The following PARD3B variants were observed in gnomAD, a reference collection of about 807,000 sequenced individuals.
PARD3B encodes partitioning defective 3 homolog B.
A neutral mutation model predicts 130.2 loss-of-function variants in PARD3B; 103 were observed. That is an observed-to-expected ratio of 0.79 (90% CI 0.67 to 0.93). The LOEUF is 0.93. Ranked by LOEUF, PARD3B falls within the 40% of genes least tolerant of loss-of-function variation. The pLI is 0.00. For synonymous variants in PARD3B, 583 were observed against 553.2 expected (o/e 1.05, Z -0.76); for missense variants, 1,609 against 1,499.2 (o/e 1.07, Z -1.21).
rs575706085 is a variant in PARD3B at position 205,013,488 on chromosome 2, T to A, written c.395-34093T>A. 2.2e-4 allele frequency among the ~76,000 whole-genome samples: 33 copies of A among 152,320 alleles called. 1 individual carries two copies. In the East Asian group the frequency reaches 3.1e-3, roughly 14 times the overall value. On this transcript the variant is annotated intron_variant, in intron 3 of 22. Coordinates refer to ENST00000406610, the MANE Select transcript of PARD3B (RefSeq NM_001302769.2). ...GTAGTGTCTGTCGGGGTTCCCAACCTCTACACTATTGATGCTTTAGGCTGG... is the reference window on the plus strand; with the variant it reads ...GTAGTGTCTGTCGGGGTTCCCAACCACTACACTATTGATGCTTTAGGCTGG...
At chr2:204,821,265 A>C (rs2125545085) in intron 2 of PARD3B, among the ~76,000 whole-genome samples, 1 of 152,240 alleles carries the variant, frequency 6.6e-6, no homozygotes, top group East Asian at 1.9e-4. Flanking sequence ...AATAAGTCCC[A>C]GGAGATCTGA....
At position 205,253,300 on chromosome 2, in the gene PARD3B, G is replaced by A. The variant is rs929905556; in HGVS notation, c.2185+7478G>A. On this transcript the variant is annotated intron_variant, in intron 16 of 22. Coordinates refer to ENST00000406610, the MANE Select transcript of PARD3B (RefSeq NM_001302769.2). This position sits in a 1 kb window ranked among gnomAD's most constrained non-coding sequence, Gnocchi z 4.4. ...AAGAGTAAAATGTATTAACACAAAG[G>A]CTCTGGCCGCCCCCCTACAAAGGAG... 3 of 500,678 alleles carry A rather than the reference G, an allele frequency of 6.0e-6. No homozygotes were observed. Among genetic ancestry groups the A allele is most frequent in the African/African-American group, 5.8e-5 (3 of 51,484 alleles). 31.0% of individuals were successfully genotyped at this position (500,678 alleles called of 1,614,324 possible).
chr2:205,034,237 G>A (rs1697639644), intron 3 of PARD3B, among the ~76,000 whole-genome samples: 1 of 152,156 alleles, frequency 6.6e-6, no homozygotes, highest in African/African-American at 2.4e-5. Flanking sequence ...TCTGTTGAGT[G>A]CCTATTCTGC....
rs921567848 is a variant in PARD3B at position 204,552,301 on chromosome 2, C to A, written c.120+6182C>A. On this transcript the variant is annotated intron_variant, in intron 1 of 22. Transcript: ENST00000406610. Reference sequence around the variant, plus strand: ...TAAATGCTCCACCTAGACACTAGCACAAAAACTAGCTGGGTTTGAGAGTAA... The same window carrying A: ...TAAATGCTCCACCTAGACACTAGCAAAAAAACTAGCTGGGTTTGAGAGTAA... Among the ~76,000 whole-genome samples, 4 of 152,126 alleles carry A rather than the reference C, an allele frequency of 2.6e-5. No homozygotes were observed. The East Asian group carries it at 5.8e-4, about 22-fold the overall frequency.
intron 21 of PARD3B, among the ~76,000 whole-genome samples, chr2:205,521,165 A>G (rs1369980806): frequency 6.6e-6 from 1 of 151,920 alleles, no homozygotes; most frequent in Non-Finnish European, 1.5e-5. Context: ...GAGCAACCCT[A>G]TTAAAATTGA....
chr2:205,125,289 C>T lies in PARD3B; in HGVS notation c.1306-320C>T, dbSNP rs981033311. On this transcript the variant is annotated intron_variant, in intron 9 of 22. Transcript: ENST00000406610. This position sits in a 1 kb window ranked among gnomAD's most constrained non-coding sequence, Gnocchi z 4.0. The stretch of plus-strand genomic sequence containing the variant: ...GCTTGTTGAATTAGGCAGAAAATGG[C>T]GCTAAGTAAGCCTTTGCAATCTGCT... Among the ~76,000 whole-genome samples the T allele has an allele frequency of 1.3e-4, 20 of 152,166 alleles. No homozygotes were observed. Among genetic ancestry groups the T allele is most frequent in the African/African-American group, 4.6e-4 (19 of 41,420 alleles).
chr2:204,732,088 T>C (rs902844697), intron 2 of PARD3B, among the ~76,000 whole-genome samples: 2 of 152,164 alleles, frequency 1.3e-5, no homozygotes, highest in African/African-American at 2.4e-5. Flanking sequence ...TTGTGGTTTT[T>C]TTTTTTTTGT....
intron 2 of PARD3B, among the ~76,000 whole-genome samples, chr2:204,911,415 C>G (rs1245110506): frequency 6.6e-6 from 1 of 152,174 alleles, no homozygotes; most frequent in African/African-American, 2.4e-5. Context: ...ATAGAAAACA[C>G]TAGTTGCTGG....
intron 20 of PARD3B, among the ~76,000 whole-genome samples, chr2:205,496,973 G>C (rs1167451057): frequency 6.6e-6 from 1 of 151,982 alleles, no homozygotes; most frequent in Non-Finnish European, 1.5e-5. Context: ...GTAATCGACA[G>C]AAGCCTGTGC....
At chr2:205,103,956 G>T (rs543604518) in intron 4 of PARD3B, among the ~76,000 whole-genome samples, 1 of 152,292 alleles carries the variant, frequency 6.6e-6, no homozygotes, top group East Asian at 1.9e-4. Flanking sequence ...TCTTCCTGCA[G>T]TGTTTCTGCC....
At chr2:205,228,682 G>A (rs190167355) in intron 15 of PARD3B, among the ~76,000 whole-genome samples, 3 of 152,032 alleles carry the variant, frequency 2.0e-5, no homozygotes, top group East Asian at 1.9e-4. Flanking sequence ...TTACCCTTTG[G>A]GTAAATCCCT....
chr2:204,873,240 T>C lies in PARD3B; in HGVS notation c.223-91912T>C, dbSNP rs187036551. On this transcript the variant is annotated intron_variant, in intron 2 of 22. Transcript: ENST00000406610. The stretch of plus-strand genomic sequence containing the variant: ...CTGCTTTTTCTTGCTTTACACACAA[T>C]TTGACTAGGCTTCATTCTCAGTCTT... Among the ~76,000 whole-genome samples the C allele has an allele frequency of 7.2e-5, 11 of 152,276 alleles. No individual in the cohort carries two copies. In the East Asian group the frequency reaches 2.1e-3, roughly 29 times the overall value.
chr2:205,088,221 G>A (rs1309651053), intron 4 of PARD3B, among the ~76,000 whole-genome samples: 5 of 152,096 alleles, frequency 3.3e-5, no homozygotes, highest in East Asian at 3.9e-4. Context: ...TGATAGAAAC[G>A]TACTCAGTGA....
rs1695682407 is a variant in PARD3B at position 205,011,187 on chromosome 2, T to G, written c.395-36394T>G. 1.3e-5 allele frequency among the ~76,000 whole-genome samples: 2 copies of G among 152,236 alleles called. No individual in the cohort carries two copies. The highest frequency in any genetic ancestry group is 4.8e-5 in the African/African-American group (2 of 41,456). ...TGCAGATTATATATAACTTAGCAGC[T>G]TAAAATGACAAACATTTATTACCTC... is the stretch of plus-strand genomic sequence containing the variant. On this transcript the variant is annotated intron_variant, in intron 3 of 22. Transcript: ENST00000406610. This position sits in a 1 kb window ranked among gnomAD's most constrained non-coding sequence, Gnocchi z 4.1.
At chr2:205,020,857 C>A (rs914003173) in intron 3 of PARD3B, among the ~76,000 whole-genome samples, 47 of 152,020 alleles carry the variant, frequency 3.1e-4, no homozygotes, top group Admixed American at 3.3e-4. Context: ...CAGAGACAGG[C>A]AAAGTCAAGC....
intron 21 of PARD3B, among the ~76,000 whole-genome samples, chr2:205,504,641 G>C (rs984167385): frequency 1.3e-5 from 2 of 152,190 alleles, no homozygotes; most frequent in African/African-American, 4.8e-5. Flanking sequence ...ATGAAAAAAT[G>C]GTCATCATCA....
chr2:205,185,869 G>A lies in PARD3B; in HGVS notation c.2024+6G>A. 6.2e-7 allele frequency: 1 copy of A among 1,604,900 alleles called. No homozygotes were observed. The highest frequency in any genetic ancestry group is 8.5e-7 in the Non-Finnish European group (1 of 1,171,602). On this transcript the variant is annotated splice_donor_region_variant and intron_variant, in intron 14 of 22. Transcript: ENST00000406610. ...CTCGAAGATTACAGCCACAGGTATT[G>A]ATAAAATGATGTATCGTAAATGCTC...
At chr2:205,429,616 A>G (rs2047260652) in intron 19 of PARD3B, among the ~76,000 whole-genome samples, 1 of 152,220 alleles carries the variant, frequency 6.6e-6, no homozygotes, top group South Asian at 2.1e-4. Flanking sequence ...GATGAAAGCT[A>G]TATAACTGTA....
chr2:205,103,330 C>CATATTTTTATTTATGTAAAAT (rs1575789861), intron 4 of PARD3B, among the ~76,000 whole-genome samples: 1 of 91,342 alleles, frequency 1.1e-5, no homozygotes, highest in African/African-American at 4.3e-5. Flanking sequence ...GTAAAATAAA[C>CATATTTTTATTTATGTAAAAT]ATATTTTTAT....
Sources: gnomAD v4.1 joint callset for allele counts (sites outside exome capture counted in the v4.1 genomes callset) on GRCh38, gnomAD v4.1.1 for gene constraint, Gnocchi (gnomAD v3.1) non-coding constraint, MANE v1.5 for transcripts, NCBI Gene and HGNC (gene_info 2026-07-23, HGNC 2026-07-21) for gene names.